Variants in PLA2G5 observed in about 807,000 individuals in gnomAD.
PLA2G5 encodes phospholipase A2 group V.
PLA2G5 carries 12 observed loss-of-function variants against 15.9 expected under a neutral mutation model. The ratio of observed to expected loss-of-function variants is 0.76; its 90% CI spans 0.48 to 1.23. PLA2G5 has a LOEUF of 1.23. PLA2G5 is among the 50% of genes most tolerant of loss of function. The pLI, the probability that PLA2G5 is intolerant of heterozygous loss-of-function variation, is 0.00. For missense variants in PLA2G5, 169 were observed against 177.1 expected (o/e 0.95, Z 0.26); for synonymous variants, 71 against 71.4 (o/e 0.99, Z 0.03).
chr1:20,035,717 A>G (rs899783431), intron 1 of PLA2G5, among the ~76,000 whole-genome samples: 2 of 152,236 alleles, frequency 1.3e-5, no homozygotes, highest in African/African-American at 4.8e-5. Context: ...TCATTTAAAC[A>G]TTCAATGTGA....
intron 1 of PLA2G5, among the ~76,000 whole-genome samples, chr1:20,054,626 G>C (rs2014346623): frequency 6.6e-6 from 1 of 151,696 alleles, no homozygotes; most frequent in Non-Finnish European, 1.5e-5. Flanking sequence ...TGTCTCAGTG[G>C]GGTCTAAGCC....
At chr1:20,046,597 GTTC>G (rs1395079606) in intron 1 of PLA2G5, among the ~76,000 whole-genome samples, 3 of 152,162 alleles carry the variant, frequency 2.0e-5, no homozygotes, top group African/African-American at 7.2e-5. Context: ...CTTTTGGGAT[GTTC>G]TTCTTTCTTT....
At chr1:20,051,886 G>A (rs930152935) in intron 1 of PLA2G5, among the ~76,000 whole-genome samples, 2 of 152,112 alleles carry the variant, frequency 1.3e-5, no homozygotes, top group African/African-American at 4.8e-5. Flanking sequence ...AACCTCAAGG[G>A]GAGAGGAATT....
intron 1 of PLA2G5, among the ~76,000 whole-genome samples, chr1:20,053,204 C>G (rs904958642): frequency 3.3e-5 from 5 of 152,114 alleles, no homozygotes; most frequent in Non-Finnish European, 7.4e-5. Flanking sequence ...AATTCTCAAG[C>G]CTTCTCTTTT....
At chr1:20,051,859 C>A (rs1210743129) in intron 1 of PLA2G5, among the ~76,000 whole-genome samples, 1 of 152,128 alleles carries the variant, frequency 6.6e-6, no homozygotes, top group Non-Finnish European at 1.5e-5. Flanking sequence ...GGCCCAGGAG[C>A]CCCAAGTTTA....
Position 20,090,880 on chromosome 1 carries a change from G to A in PLA2G5, c.*188G>A. The A allele has an allele frequency of 3.4e-6, 2 of 590,688 alleles. No individual in the cohort carries two copies. Among genetic ancestry groups the A allele is most frequent in the Non-Finnish European group, 5.9e-6 (2 of 336,938 alleles). The allele number at this position is 590,688 out of a possible 1,614,324, so 36.6% of individuals were successfully genotyped here. ...TCCCAGGAGAGTGACTCTGGTCATA[G>A]GACTTGGTAGGGTCCCAGGGTCCCT... On this transcript the variant is annotated 3_prime_UTR_variant, in exon 5 of 5. Transcript: ENST00000375108.
intron 1 of PLA2G5, among the ~76,000 whole-genome samples, chr1:20,033,750 G>T (rs1462568641): frequency 6.6e-6 from 1 of 152,144 alleles, no homozygotes; most frequent in African/African-American, 2.4e-5. Flanking sequence ...GGCAGTCCCA[G>T]TGCTGGGGTC....
intron 3 of PLA2G5, among the ~76,000 whole-genome samples, chr1:20,088,339 G>A (rs1213343306): frequency 3.3e-5 from 5 of 150,882 alleles, no homozygotes; most frequent in African/African-American, 4.9e-5. Context: ...CAGCCTGGGC[G>A]ATGAGAGTGA....
At chr1:20,043,687 TA>T (rs1435907112) in intron 1 of PLA2G5, among the ~76,000 whole-genome samples, 1 of 152,026 alleles carries the variant, frequency 6.6e-6, no homozygotes, top group Admixed American at 6.5e-5. Context: ...TAGGGATAAC[TA>T]AAAAAGAGTG....
Position 20,085,339 on chromosome 1 carries a change from C to T in PLA2G5, c.40+469C>T, listed in dbSNP as rs575162504. Among the ~76,000 whole-genome samples the T allele has an allele frequency of 3.3e-5, 5 of 152,140 alleles. No homozygotes were observed. The East Asian group carries it at 9.7e-4, about 29-fold the overall frequency. ...TGGCTTTAGTCCCATCCTGCGGCCC[C>T]GTGACCGTATATACAACCCCCGACA... is the stretch of plus-strand genomic sequence containing the variant. On this transcript the variant is annotated intron_variant, in intron 2 of 4. Transcript: ENST00000375108.
At chr1:20,080,853 C>T (rs2015974137) in intron 1 of PLA2G5, among the ~76,000 whole-genome samples, 1 of 151,824 alleles carries the variant, frequency 6.6e-6, no homozygotes, top group Non-Finnish European at 1.5e-5. Flanking sequence ...GTGCAGAGAG[C>T]AGGGCCGAGA....
At chr1:20,069,375 G>A (rs528614), upstream of PLA2G5, among the ~76,000 whole-genome samples, 127,860 of 152,204 alleles carry the variant, frequency 0.84, 53,753 homozygotes, top group East Asian at 0.92. Context: ...TCATTTTAAA[G>A]AAGAAACCAG....
intron 1 of PLA2G5, among the ~76,000 whole-genome samples, chr1:20,033,900 C>A: frequency 6.6e-6 from 1 of 151,840 alleles, no homozygotes; most frequent in Non-Finnish European, 1.5e-5. Flanking sequence ...AAGCTAAAGT[C>A]GGGAATTCAC....
chr1:20,056,403 G>C (rs1183412595), intron 1 of PLA2G5, among the ~76,000 whole-genome samples: 1 of 152,038 alleles, frequency 6.6e-6, no homozygotes, highest in East Asian at 1.9e-4. Context: ...TTCCTAGTTT[G>C]CTGAGAGTTT....
At chr1:20,045,926 G>A in intron 1 of PLA2G5, among the ~76,000 whole-genome samples, 1 of 152,158 alleles carries the variant, frequency 6.6e-6, no homozygotes, top group East Asian at 1.9e-4. Flanking sequence ...GAGATCTAAA[G>A]TTTATTTTGC....
In PLA2G5 at chr1:20,038,249, C is replaced by T. The variant is rs139480660; in HGVS notation, n.276+9540C>T. Among the ~76,000 whole-genome samples, 716 of 152,226 alleles carry T rather than the reference C, an allele frequency of 4.7e-3. 5 individuals are homozygous for T. The highest frequency in any genetic ancestry group is 6.9e-3 in the Non-Finnish European group (472 of 68,016). On this transcript the variant is annotated intron_variant and non_coding_transcript_variant, in intron 1 of 6. Coordinates refer to the PLA2G5 transcript ENST00000460175. Reference sequence around the variant, plus strand: ...GCGGTGGATTCTGTGGTCATATCTGCACATCCTGTTCCCTGCCACCACCAC... The same window carrying T: ...GCGGTGGATTCTGTGGTCATATCTGTACATCCTGTTCCCTGCCACCACCAC...
At chr1:20,069,950 A>G (rs903608387), upstream of PLA2G5, among the ~76,000 whole-genome samples, 2 of 152,020 alleles carry the variant, frequency 1.3e-5, no homozygotes, top group African/African-American at 4.8e-5. Context: ...CCAGGGACTC[A>G]GATAGTCAAG....
In PLA2G5 at chr1:20,090,827, C is replaced by T; in HGVS notation, c.*135C>T. 5.6e-6 allele frequency: 5 copies of T among 889,428 alleles called. No homozygotes were observed. Among genetic ancestry groups the T allele is most frequent in the Non-Finnish European group, 7.2e-6 (4 of 556,172 alleles). The allele number at this position is 889,428 out of a possible 1,614,324, so 55.1% of individuals were successfully genotyped here. ...GTCTTTCTCGAAGCTTGGCGGACCC[C>T]CAGGGCCACACTGTACCCTCCAGCG... On this transcript the variant is annotated 3_prime_UTR_variant, in exon 5 of 5. Transcript: ENST00000375108.
intron 1 of PLA2G5, among the ~76,000 whole-genome samples, chr1:20,030,596 T>C (rs965635143): frequency 6.6e-6 from 1 of 151,994 alleles, no homozygotes; most frequent in Non-Finnish European, 1.5e-5. Flanking sequence ...ACAGGCCCTT[T>C]ATGGGTGCCG....
Sources: gnomAD v4.1 joint callset for allele counts (sites outside exome capture counted in the v4.1 genomes callset) on GRCh38, gnomAD v4.1.1 for gene constraint, MANE v1.5 for transcripts, NCBI Gene and HGNC (gene_info 2026-07-23, HGNC 2026-07-21) for gene names.